SF3A3: variants seen among roughly 807,000 people sequenced by gnomAD.
SF3A3 encodes splicing factor 3a subunit 3, also known as SAP 61.
A neutral mutation model predicts 85.8 loss-of-function variants in SF3A3; 9 were observed. The ratio of observed to expected loss-of-function variants is 0.10; its 90% CI spans 0.06 to 0.18. The LOEUF (loss-of-function observed/expected upper bound fraction) is 0.18, where lower values mean the gene tolerates loss of function less well. SF3A3 is among the 10% of genes least tolerant of loss of function. The probability of loss-of-function intolerance (pLI) is 1.00; values close to 1 mark genes in which losing one functional copy is unlikely to be tolerated. For missense variants in SF3A3, 306 were observed against 593.3 expected (o/e 0.52, Z 5.03); for synonymous variants, 195 against 204.4 (o/e 0.95, Z 0.39).
At chr1:37,972,351 G>A (rs553649366) in intron 12 of SF3A3, among the ~76,000 whole-genome samples, 1 of 152,090 alleles carries the variant, frequency 6.6e-6, no homozygotes, top group East Asian at 1.9e-4. Context: ...TCAACGAAAT[G>A]AAAGAGGACA....
chr1:37,958,272 G>C lies in SF3A3; in HGVS notation c.1429-9C>G, dbSNP rs891506628. Reference sequence around the variant, plus strand: ...GAGTCTTCATATTCTTCCTGAAAAGGAAGGGGTACACTTTGTTAGACAGCT... The same window carrying C: ...GAGTCTTCATATTCTTCCTGAAAAGCAAGGGGTACACTTTGTTAGACAGCT... On this transcript the variant is annotated splice_polypyrimidine_tract_variant and intron_variant, in intron 16 of 16. Transcript: ENST00000373019. 1 of 1,596,774 alleles carries C rather than the reference G, an allele frequency of 6.3e-7. No individual in the cohort carries two copies. The highest frequency in any genetic ancestry group is 8.6e-7 in the Non-Finnish European group (1 of 1,164,200).
At chr1:37,973,040 ATGGT>A (rs1646354266) in intron 12 of SF3A3, among the ~76,000 whole-genome samples, 2 of 152,170 alleles carry the variant, frequency 1.3e-5, no homozygotes, top group Admixed American at 1.3e-4. Context: ...TTAACTGGGC[ATGGT>A]GGCACATGCT....
At chr1:37,982,630 C>T (rs1455682452) in intron 6 of SF3A3, among the ~76,000 whole-genome samples, 1 of 152,088 alleles carries the variant, frequency 6.6e-6, no homozygotes, top group Non-Finnish European at 1.5e-5. Context: ...CCTTGGCCTC[C>T]CAAAGTGCTG....
At chr1:37,988,067 T>C (rs1370097284) in intron 2 of SF3A3, among the ~76,000 whole-genome samples, 2 of 152,204 alleles carry the variant, frequency 1.3e-5, no homozygotes, top group Non-Finnish European at 2.9e-5. Flanking sequence ...AGCAGGTCGA[T>C]TGGAAGATTA....
intron 15 of SF3A3, among the ~76,000 whole-genome samples, chr1:37,964,306 C>T (rs915287314): frequency 7.2e-5 from 11 of 151,990 alleles, no homozygotes; most frequent in Middle Eastern, 3.4e-3. Flanking sequence ...GGCAGTAAGG[C>T]GTTGTGGAAA....
chr1:37,981,606 A>G (rs1428671133), intron 7 of SF3A3, 123 bp downstream of exon 7: 9 of 713,358 alleles, frequency 1.3e-5, no homozygotes, highest in Non-Finnish European at 2.0e-5. Flanking sequence ...CCATCCTCCA[A>G]TAAACCTGGA....
intron 15 of SF3A3, among the ~76,000 whole-genome samples, chr1:37,967,129 G>GCC (rs1646307049): frequency 5.7e-5 from 1 of 17,452 alleles, no homozygotes; most frequent in Non-Finnish European, 1.0e-4. Context: ...GGTGGCACAT[G>GCC]CCTGTAATCC....
intron 7 of SF3A3, 68 bp from the exon 8 acceptor site, chr1:37,980,792 G>T: frequency 8.0e-7 from 1 of 1,257,756 alleles, no homozygotes; most frequent in Non-Finnish European, 1.1e-6. Context: ...GTTATTCCCT[G>T]CAGAATATAA....
intron 8 of SF3A3, 115 bp downstream of exon 8, chr1:37,980,471 A>G (rs1035054649): frequency 1.0e-5 from 12 of 1,144,314 alleles, no homozygotes; most frequent in Non-Finnish European, 1.5e-5. Context: ...CCTCATTGTC[A>G]CAAGTGATAC....
At chr1:37,961,494 G>T (rs1042110404) in intron 15 of SF3A3, among the ~76,000 whole-genome samples, 3 of 151,964 alleles carry the variant, frequency 2.0e-5, no homozygotes, top group South Asian at 2.1e-4. Flanking sequence ...TGAGGCAGGA[G>T]AATCGCTTGA....
chr1:37,976,541 CCTTT>C (rs1400647183), intron 12 of SF3A3, among the ~76,000 whole-genome samples: 9 of 152,082 alleles, frequency 5.9e-5, no homozygotes, highest in African/African-American at 1.9e-4. Flanking sequence ...CTTTGAGTAG[CCTTT>C]CTGTTACTTG....
chr1:37,979,606 A>C, intron 8 of SF3A3, 73 bp from the exon 9 acceptor site: 131 of 1,187,294 alleles, frequency 1.1e-4, no homozygotes, highest in Non-Finnish European at 1.5e-4. Flanking sequence ...CTGTAATCTC[A>C]GCATTTTGGG....
At chr1:37,985,613 T>G (rs1170657126) in intron 4 of SF3A3, among the ~76,000 whole-genome samples, 1 of 152,220 alleles carries the variant, frequency 6.6e-6, no homozygotes, top group Non-Finnish European at 1.5e-5. Flanking sequence ...ATAAAAGACT[T>G]GCGTCTGACA....
rs748016301 is a variant in SF3A3, at chr1:37,981,746, C to T, written c.534G>A (p.Lys178=). Residue 178 remains lysine, a synonymous_variant, in exon 7 of 17, where the codon AAG becomes AAA. Transcript: ENST00000373019. ...DQLFDIPKER[K]NAEYKRYLEM... Reference sequence around the variant, plus strand: ...ATGCCTACCTCTTATACTCTGCATTCTTCCTTTCTTTAGGAATGTCAAATA... The same window carrying T: ...ATGCCTACCTCTTATACTCTGCATTTTTCCTTTCTTTAGGAATGTCAAATA... 2.5e-6 allele frequency: 4 copies of T among 1,578,652 alleles called. No individual in the cohort carries two copies. Among genetic ancestry groups the T allele is most frequent in the Non-Finnish European group, 3.5e-6 (4 of 1,149,000 alleles).
At chr1:37,968,216 C>T (rs971811360) in intron 14 of SF3A3, 82 bp from the exon 15 acceptor site, 2 of 812,408 alleles carry the variant, frequency 2.5e-6, no homozygotes, top group African/African-American at 3.4e-5. Context: ...ACTCATAAAT[C>T]CTAACATGGC....
chr1:37,979,147 T>C, intron 9 of SF3A3, 92 bp from the exon 10 acceptor site: 1 of 991,656 alleles, frequency 1.0e-6, no homozygotes, highest in Non-Finnish European at 1.6e-6. Context: ...CCTGAGGCTG[T>C]GGCAGGACCA....
intron 1 of SF3A3, 88 bp downstream of exon 1, chr1:37,989,782 G>A: frequency 7.8e-7 from 1 of 1,281,836 alleles, no homozygotes; most frequent in Admixed American, 1.7e-5. Flanking sequence ...AGGCAGGGAG[G>A]TTCTGAGGGC....
chr1:37,966,030 G>A (rs1368842447), intron 15 of SF3A3, among the ~76,000 whole-genome samples: 1 of 151,494 alleles, frequency 6.6e-6, no homozygotes. Flanking sequence ...CTAAAACCCC[G>A]TCTCTACTAA....
intron 12 of SF3A3, among the ~76,000 whole-genome samples, chr1:37,974,790 GT>G (rs1646368881): frequency 6.6e-6 from 1 of 152,158 alleles, no homozygotes; most frequent in African/African-American, 2.4e-5. Flanking sequence ...CTCTGACAGA[GT>G]TTTCTCCGAC....
Sources: allele counts gnomAD v4.1 joint callset (sites outside exome capture counted in the v4.1 genomes callset), GRCh38; gene constraint gnomAD v4.1.1; transcripts MANE v1.5; gene names NCBI Gene and HGNC (gene_info 2026-07-23, HGNC 2026-07-21).